Variants in CAMK2D observed in about 807,000 individuals in gnomAD.
The protein encoded by CAMK2D is calcium/calmodulin dependent protein kinase II delta.
In CAMK2D, 37 loss-of-function variants were observed where a neutral mutation model predicts 84.0. The observed-to-expected ratio is 0.44, with a 90% CI of 0.34 to 0.58. CAMK2D has a LOEUF of 0.58. Ranked by LOEUF, CAMK2D falls within the 20% of genes least tolerant of loss-of-function variation. The pLI, the probability that CAMK2D is intolerant of heterozygous loss-of-function variation, is 0.02. For missense variants in CAMK2D, 448 were observed against 652.5 expected (o/e 0.69, Z 3.41); for synonymous variants, 202 against 212.5 (o/e 0.95, Z 0.43).
chr4:113,510,754 A>G (rs1410764057), intron 12 of CAMK2D, among the ~76,000 whole-genome samples: 1 of 152,144 alleles, frequency 6.6e-6, no homozygotes, highest in African/African-American at 2.4e-5. Flanking sequence ...CTGCATGAAC[A>G]TGTAATTTCC....
chr4:113,490,933 GCT>G (rs770622741), intron 16 of CAMK2D, among the ~76,000 whole-genome samples: 5 of 84,376 alleles, frequency 5.9e-5, no homozygotes, highest in Admixed American at 2.5e-4. Context: ...TCAGGATTTG[GCT>G]CTCTGTTTGT....
chr4:113,495,503 A>G (rs1303877579), intron 16 of CAMK2D, among the ~76,000 whole-genome samples: 1 of 152,180 alleles, frequency 6.6e-6, no homozygotes, highest in East Asian at 1.9e-4. Context: ...AATCTGGGTA[A>G]TCAGTCATCA....
intron 2 of CAMK2D, among the ~76,000 whole-genome samples, chr4:113,750,997 G>C (rs1399705232): frequency 6.6e-6 from 1 of 152,148 alleles, no homozygotes; most frequent in African/African-American, 2.4e-5. Flanking sequence ...TAGAGCCTGG[G>C]TAACAGAGAA....
At chr4:113,709,457 T>G (rs188713204) in intron 2 of CAMK2D, among the ~76,000 whole-genome samples, 1 of 151,680 alleles carries the variant, frequency 6.6e-6, no homozygotes, top group Non-Finnish European at 1.5e-5. Context: ...CAGAAAAAAT[T>G]AGTAGAAAAG....
chr4:113,606,564 C>G (rs540753904), intron 4 of CAMK2D, among the ~76,000 whole-genome samples: 1 of 150,916 alleles, frequency 6.6e-6, no homozygotes, highest in African/African-American at 2.4e-5. Flanking sequence ...TAATAAATTA[C>G]CCAAACTAAA....
chr4:113,567,855 A>C (rs2098733193), intron 4 of CAMK2D, among the ~76,000 whole-genome samples: 1 of 152,234 alleles, frequency 6.6e-6, no homozygotes, highest in Non-Finnish European at 1.5e-5. Flanking sequence ...CTAGGTACCC[A>C]ATAAACATTA....
intron 2 of CAMK2D, among the ~76,000 whole-genome samples, chr4:113,687,349 T>A (rs573284588): frequency 1.3e-5 from 2 of 152,348 alleles, no homozygotes; most frequent in African/African-American, 4.8e-5. Flanking sequence ...TAACCATCAA[T>A]TGATCTTACA....
At position 113,452,903 on chromosome 4, in the gene CAMK2D, A is replaced by G. The variant is rs887959702; in HGVS notation, c.*1642T>C. 2 of 152,584 alleles carry G rather than the reference A, an allele frequency of 1.3e-5. No individual in the cohort carries two copies. Among genetic ancestry groups the G allele is most frequent in the African/African-American group, 4.8e-5 (2 of 41,408 alleles). 9.5% of individuals were successfully genotyped at this position (152,584 alleles called of 1,614,324 possible). ...ATCTACCATACATCCACTAGCAATA[A>G]TATCTAAGATGATTAGTAATCAACA... On this transcript the variant is annotated 3_prime_UTR_variant, in exon 21 of 21. Coordinates refer to ENST00000511664, the MANE Select transcript of CAMK2D (RefSeq NM_001321571.2).
chr4:113,543,887 G>A (rs1478462938), intron 6 of CAMK2D, among the ~76,000 whole-genome samples: 4 of 152,092 alleles, frequency 2.6e-5, no homozygotes, highest in Admixed American at 2.6e-4. Flanking sequence ...CGCCTCCTGG[G>A]TTCATGCCAT....
At chr4:113,670,213 C>T (rs558922864) in intron 2 of CAMK2D, among the ~76,000 whole-genome samples, 82 of 152,048 alleles carry the variant, frequency 5.4e-4, no homozygotes, top group Non-Finnish European at 9.6e-4. Context: ...ACCCAGGAGG[C>T]GGAAGTTGCA....
intron 2 of CAMK2D, among the ~76,000 whole-genome samples, chr4:113,680,652 A>G (rs2099341613): frequency 6.6e-6 from 1 of 152,174 alleles, no homozygotes. Flanking sequence ...CTGGCTATGG[A>G]CTGCTGCTTT....
chr4:113,735,288 GGAAAAAAAAAAAAAAAAAAAAA>G (rs1436906558), intron 2 of CAMK2D, among the ~76,000 whole-genome samples: 2 of 58,958 alleles, frequency 3.4e-5, no homozygotes, highest in African/African-American at 1.2e-4. Context: ...CATCTCTACA[GGAAAAAAAAAAAAAAAAAAAAA>G]AAAAAAAAAA....
chr4:113,585,899 T>G (rs1320817820), intron 4 of CAMK2D, among the ~76,000 whole-genome samples: 1 of 152,204 alleles, frequency 6.6e-6, no homozygotes, highest in Non-Finnish European at 1.5e-5. Context: ...TTAATTGGCA[T>G]GTATATGCCT....
intron 3 of CAMK2D, among the ~76,000 whole-genome samples, chr4:113,621,742 T>C (rs76241895): frequency 0.013 from 1,980 of 152,324 alleles, 52 homozygotes; most frequent in African/African-American, 0.045. Context: ...TCAGCACTCA[T>C]ACAGTCATTA....
chr4:113,479,936 A>G (rs2097679436), intron 16 of CAMK2D, among the ~76,000 whole-genome samples: 1 of 152,114 alleles, frequency 6.6e-6, no homozygotes. Flanking sequence ...TTTTGTAGGT[A>G]AAAAATGGTT....
intron 16 of CAMK2D, among the ~76,000 whole-genome samples, chr4:113,482,086 C>T (rs933408699): frequency 2.0e-5 from 3 of 152,198 alleles, no homozygotes; most frequent in Non-Finnish European, 2.9e-5. Flanking sequence ...TTGGCAGCCA[C>T]TGGAGAATAC....
chr4:113,620,991 T>C (rs1005794501), intron 3 of CAMK2D, among the ~76,000 whole-genome samples: 1 of 152,130 alleles, frequency 6.6e-6, no homozygotes, highest in East Asian at 1.9e-4. Flanking sequence ...AGTGCAGTGG[T>C]GTGGTCAAGG....
At chr4:113,574,019 CA>C (rs1404586800) in intron 4 of CAMK2D, among the ~76,000 whole-genome samples, 12 of 152,330 alleles carry the variant, frequency 7.9e-5, no homozygotes, top group African/African-American at 2.9e-4. Context: ...GAAGGCATTT[CA>C]GGGTACGCAA....
chr4:113,718,015 A>G (rs916285635), intron 2 of CAMK2D, among the ~76,000 whole-genome samples: 4 of 152,030 alleles, frequency 2.6e-5, no homozygotes, highest in Admixed American at 2.6e-4. Flanking sequence ...AATCTATGGG[A>G]ATTATTTTTC....
Sources: gnomAD v4.1 joint callset for allele counts (sites outside exome capture counted in the v4.1 genomes callset) on GRCh38, gnomAD v4.1.1 for gene constraint, MANE v1.5 for transcripts, NCBI Gene and HGNC (gene_info 2026-07-23, HGNC 2026-07-21) for gene names.